Variants in PCDH7 observed in about 807,000 individuals in gnomAD.
PCDH7 encodes protocadherin-7.
In PCDH7, 17 loss-of-function variants were observed where a neutral mutation model predicts 58.9. The observed-to-expected ratio is 0.29, with a 90% CI of 0.20 to 0.43. PCDH7 has a LOEUF of 0.43. PCDH7 is among the 20% of genes least tolerant of loss of function. The probability of loss-of-function intolerance (pLI) is 1.00; values close to 1 mark genes in which losing one functional copy is unlikely to be tolerated. For missense variants in PCDH7, 1,274 were observed against 1,441.0 expected, an observed-to-expected ratio of 0.88 and a Z score of 1.88; for synonymous variants, 664 against 616.4, an observed-to-expected ratio of 1.08 and a Z score of -1.14.
chr4:30,918,329 T>C (rs1742743940), intron 1 of PCDH7, among the ~76,000 whole-genome samples: 1 of 151,750 alleles, frequency 6.6e-6, no homozygotes, highest in South Asian at 2.1e-4. Flanking sequence ...GTGTGAGAAG[T>C]GGGGTGGATG....
At chr4:30,960,890 A>T (rs1469404947) in intron 3 of PCDH7, among the ~76,000 whole-genome samples, 2 of 152,194 alleles carry the variant, frequency 1.3e-5, no homozygotes. Context: ...TAGTTTTAAG[A>T]TGTTTTATGT....
intron 1 of PCDH7, among the ~76,000 whole-genome samples, chr4:30,824,143 CTTTCT>C (rs1728795661): frequency 7.9e-6 from 1 of 127,094 alleles, no homozygotes; most frequent in East Asian, 2.3e-4. Flanking sequence ...TTCTTTCTTT[CTTTCT>C]TTCTTTCTTT....
intron 3 of PCDH7, among the ~76,000 whole-genome samples, chr4:31,028,935 C>T (rs1030033056): frequency 6.6e-6 from 1 of 152,088 alleles, no homozygotes; most frequent in Non-Finnish European, 1.5e-5. Context: ...GGTTGTGTGA[C>T]ATTGATATAT....
chr4:30,725,228 G>A (rs1008699417), intron 1 of PCDH7: 2 of 991,052 alleles, frequency 2.0e-6, no homozygotes, highest in Admixed American at 6.2e-5. Context: ...TATAATAATC[G>A]ATACCTATAA....
chr4:30,815,051 A>G (rs1339815154), intron 1 of PCDH7, among the ~76,000 whole-genome samples: 1 of 152,092 alleles, frequency 6.6e-6, no homozygotes, highest in Non-Finnish European at 1.5e-5. Flanking sequence ...AAAAGAGAAT[A>G]CAGCTCAATT....
chr4:30,971,208 C>T (rs1289000261), intron 3 of PCDH7, among the ~76,000 whole-genome samples: 1 of 152,056 alleles, frequency 6.6e-6, no homozygotes. Context: ...CTTGTATGAA[C>T]GAAATGCATA....
chr4:30,738,608 T>A (rs1716632799), intron 1 of PCDH7, among the ~76,000 whole-genome samples: 1 of 152,182 alleles, frequency 6.6e-6, no homozygotes, highest in Non-Finnish European at 1.5e-5. Flanking sequence ...TGCTAACCAA[T>A]AAGTGCATGA....
intron 3 of PCDH7, among the ~76,000 whole-genome samples, chr4:31,133,999 C>A (rs893963078): frequency 1.3e-5 from 2 of 152,150 alleles, no homozygotes; most frequent in Admixed American, 6.6e-5. Flanking sequence ...CTAGGTATAA[C>A]ACAGTGAAAT....
intron 3 of PCDH7, among the ~76,000 whole-genome samples, chr4:31,078,944 G>A (rs1450194174): frequency 6.6e-6 from 1 of 151,834 alleles, no homozygotes; most frequent in African/African-American, 2.4e-5. Flanking sequence ...ATTTATAGAT[G>A]CTGTATCTGT....
intron 1 of PCDH7, among the ~76,000 whole-genome samples, chr4:30,768,039 T>C (rs1720965654): frequency 6.6e-6 from 1 of 152,214 alleles, no homozygotes; most frequent in African/African-American, 2.4e-5. Flanking sequence ...AATAGTCATT[T>C]TACCTTAAAA....
chr4:31,082,695 T>A (rs1186217086), intron 3 of PCDH7, among the ~76,000 whole-genome samples: 1 of 151,806 alleles, frequency 6.6e-6, no homozygotes, highest in Non-Finnish European at 1.5e-5. Context: ...AAAACCTGTA[T>A]GTTCTCACTT....
intron 3 of PCDH7, among the ~76,000 whole-genome samples, chr4:31,046,061 T>G (rs1453540646): frequency 6.6e-6 from 1 of 151,992 alleles, no homozygotes; most frequent in African/African-American, 2.4e-5. Flanking sequence ...AACCCTGCTA[T>G]CTACAGCAGC....
intron 1 of PCDH7, among the ~76,000 whole-genome samples, chr4:30,743,296 T>A (rs1293151818): frequency 6.6e-6 from 1 of 152,178 alleles, no homozygotes; most frequent in Non-Finnish European, 1.5e-5. Flanking sequence ...CATATTATTT[T>A]ATCACTCTGC....
At chr4:31,011,493 T>C (rs549980874) in intron 3 of PCDH7, among the ~76,000 whole-genome samples, 3 of 152,166 alleles carry the variant, frequency 2.0e-5, no homozygotes, top group African/African-American at 7.2e-5. Flanking sequence ...GAACCATTTC[T>C]TTCCGACCTT....
chr4:30,963,214 A>G (rs1009573657), intron 3 of PCDH7, among the ~76,000 whole-genome samples: 1 of 152,204 alleles, frequency 6.6e-6, no homozygotes, highest in East Asian at 1.9e-4. Flanking sequence ...GAAGCCTTCT[A>G]AGTATAAAAT....
chr4:31,110,871 T>C (rs894967159), intron 3 of PCDH7, among the ~76,000 whole-genome samples: 1 of 150,994 alleles, frequency 6.6e-6, no homozygotes, highest in African/African-American at 2.4e-5. Context: ...GCCAAGATTA[T>C]GTCACTGCAC....
At chr4:30,802,694 G>T (rs1017922640) in intron 1 of PCDH7, among the ~76,000 whole-genome samples, 1 of 152,114 alleles carries the variant, frequency 6.6e-6, no homozygotes, top group Non-Finnish European at 1.5e-5. Flanking sequence ...GGGAAATCAT[G>T]TGTTGAGGTT....
chr4:30,955,499 G>GTATTT lies in PCDH7; in HGVS notation c.*7+5305_*7+5309dup, dbSNP rs36224344. Reference sequence around the variant, plus strand: ...TTTTTATTTATTTTATTTTATTATTGTATTTTATTTTATTTTATTTTATTT... The same window carrying GTATTT: ...TTTTTATTTATTTTATTTTATTATTGTATTTTATTTTATTTTATTTTATTTTATTT... On this transcript the variant is annotated intron_variant, in intron 3 of 3. Coordinates refer to the PCDH7 transcript ENST00000509759. 1.9e-4 allele frequency among the ~76,000 whole-genome samples: 22 copies of GTATTT among 118,700 alleles called. No individual in the cohort carries two copies. The East Asian group carries it at 2.7e-3, about 15-fold the overall frequency. 77.9% of individuals were successfully genotyped at this position (118,700 alleles called of 152,430 possible). A position where few individuals can be genotyped will look rare whatever the true frequency, so the allele number is the denominator to read the frequency against.
chr4:30,879,434 A>G (rs756486160), intron 1 of PCDH7, among the ~76,000 whole-genome samples: 1 of 151,418 alleles, frequency 6.6e-6, no homozygotes, highest in Non-Finnish European at 1.5e-5. Flanking sequence ...CACACAAGTC[A>G]TATTAGAGTA....
Sources: gnomAD v4.1 joint callset for allele counts (sites outside exome capture counted in the v4.1 genomes callset) on GRCh38, gnomAD v4.1.1 for gene constraint, MANE v1.5 for transcripts, NCBI Gene and HGNC (gene_info 2026-07-23, HGNC 2026-07-21) for gene names.